The following PABPC4L variants were observed in gnomAD, a reference collection of about 807,000 sequenced individuals.
The protein encoded by PABPC4L is poly(A) binding protein cytoplasmic 4 like, also known as polyadenylate-binding protein 4-like.
For synonymous variants in PABPC4L, 169 were observed against 164.1 expected, an observed-to-expected ratio of 1.03 and a Z score of -0.23; for missense variants, 452 against 451.4, an observed-to-expected ratio of 1.00 and a Z score of -0.01.
the PABPC4L span, among the ~76,000 whole-genome samples, chr4:134,106,462 A>C: frequency 2.6e-5 from 4 of 151,644 alleles, no homozygotes; most frequent in Non-Finnish European, 4.4e-5. Context: ...AGAAAGAAAA[A>C]TAGAAGTGTA....
At chr4:133,992,243 T>G in the PABPC4L span, among the ~76,000 whole-genome samples, 1 of 152,192 alleles carries the variant, frequency 6.6e-6, no homozygotes, top group South Asian at 2.1e-4. Context: ...ATTGCCTAAC[T>G]GGAGGCTATG....
chr4:134,192,026 C>A (rs78252018), downstream of PABPC4L, among the ~76,000 whole-genome samples: 1 of 151,780 alleles, frequency 6.6e-6, no homozygotes, highest in African/African-American at 2.4e-5. Flanking sequence ...ATTAATATAA[C>A]CGAGAGAACT....
chr4:134,154,469 T>C, the PABPC4L span, among the ~76,000 whole-genome samples: 1 of 151,902 alleles, frequency 6.6e-6, no homozygotes, highest in African/African-American at 2.4e-5. Flanking sequence ...AATAAATAAA[T>C]AAATAAATAA....
the PABPC4L span, among the ~76,000 whole-genome samples, chr4:133,970,775 TA>T: frequency 6.6e-6 from 1 of 152,010 alleles, no homozygotes; most frequent in Non-Finnish European, 1.5e-5. Flanking sequence ...GTGTCCTTAT[TA>T]AAAAGGACCA....
At chr4:134,176,425 C>T in the PABPC4L span, among the ~76,000 whole-genome samples, 2 of 152,008 alleles carry the variant, frequency 1.3e-5, 1 homozygote, top group Non-Finnish European at 2.9e-5. Flanking sequence ...ATTGCTTGAG[C>T]GCAGGAGTTG....
the PABPC4L span, among the ~76,000 whole-genome samples, chr4:133,975,533 C>G: frequency 6.6e-6 from 1 of 152,092 alleles, no homozygotes; most frequent in Non-Finnish European, 1.5e-5. Flanking sequence ...CTAAATGACT[C>G]TCTAATTTTT....
At chr4:133,980,017 T>C in the PABPC4L span, among the ~76,000 whole-genome samples, 2 of 152,164 alleles carry the variant, frequency 1.3e-5, no homozygotes, top group African/African-American at 4.8e-5. Context: ...TTATTTCCTG[T>C]TTATAGTGCT....
At chr4:134,030,489 A>G in the PABPC4L span, among the ~76,000 whole-genome samples, 1 of 152,046 alleles carries the variant, frequency 6.6e-6, no homozygotes, top group Non-Finnish European at 1.5e-5. Flanking sequence ...GAAATCACAT[A>G]TCAATCCACC....
At chr4:134,098,803 G>C in the PABPC4L span, among the ~76,000 whole-genome samples, 2 of 151,684 alleles carry the variant, frequency 1.3e-5, no homozygotes, top group African/African-American at 2.4e-5. Context: ...ACTGTGATAA[G>C]AGTATCATCT....
the PABPC4L span, among the ~76,000 whole-genome samples, chr4:134,052,680 T>A: frequency 5.3e-5 from 8 of 151,948 alleles, no homozygotes; most frequent in Non-Finnish European, 8.8e-5. Context: ...AAAGTCCATA[T>A]AATTGTCATC....
the PABPC4L span, among the ~76,000 whole-genome samples, chr4:134,111,836 T>A: frequency 2.6e-5 from 4 of 151,976 alleles, no homozygotes; most frequent in African/African-American, 9.7e-5. Context: ...TAAACCTCCC[T>A]CTTTTGTAAA....
the PABPC4L span, among the ~76,000 whole-genome samples, chr4:134,133,511 A>G: frequency 6.7e-6 from 1 of 149,754 alleles, no homozygotes; most frequent in Non-Finnish European, 1.5e-5. Context: ...ATAAAAATGA[A>G]TGAAATAATG....
chr4:134,167,518 A>G, the PABPC4L span, among the ~76,000 whole-genome samples: 1 of 151,988 alleles, frequency 6.6e-6, no homozygotes, highest in African/African-American at 2.4e-5. Flanking sequence ...ACAGGACTCA[A>G]GTATATGCTG....
chr4:134,127,817 A>G, the PABPC4L span, among the ~76,000 whole-genome samples: 1 of 152,274 alleles, frequency 6.6e-6, no homozygotes, highest in South Asian at 2.1e-4. Context: ...CTGAATTGCC[A>G]GAAAAAGAAT....
chr4:134,090,418 T>C, the PABPC4L span, among the ~76,000 whole-genome samples: 6 of 152,094 alleles, frequency 3.9e-5, no homozygotes, highest in Non-Finnish European at 8.8e-5. Flanking sequence ...ATATAAGGAA[T>C]TGCTTTTATA....
chr4:134,107,947 CAGT>C, the PABPC4L span, among the ~76,000 whole-genome samples: 1 of 151,324 alleles, frequency 6.6e-6, no homozygotes, highest in African/African-American at 2.4e-5. Context: ...CACACTTTTA[CAGT>C]AGAAGAGATA....
the PABPC4L span, among the ~76,000 whole-genome samples, chr4:133,969,603 G>A: frequency 1.2e-4 from 18 of 152,300 alleles, no homozygotes; most frequent in South Asian, 3.7e-3. Flanking sequence ...CTCAATGACT[G>A]CATCAATGTG....
downstream of PABPC4L, among the ~76,000 whole-genome samples, chr4:134,194,432 G>A (rs183686908): frequency 2.0e-5 from 3 of 151,446 alleles, no homozygotes; most frequent in East Asian, 1.9e-4. Flanking sequence ...TACCTTTCTC[G>A]GTCAAGGATA....
At chr4:133,992,785 T>G in the PABPC4L span, among the ~76,000 whole-genome samples, 2 of 152,136 alleles carry the variant, frequency 1.3e-5, no homozygotes, top group Non-Finnish European at 2.9e-5. Flanking sequence ...GTGGAGTGAA[T>G]GGTGAATGGT....
Sources: allele counts gnomAD v4.1 joint callset (sites outside exome capture counted in the v4.1 genomes callset), GRCh38; gene constraint gnomAD v4.1.1; transcripts MANE v1.5; gene names NCBI Gene and HGNC (gene_info 2026-07-23, HGNC 2026-07-21).